The following PCDHA3 variants were observed in gnomAD, a reference collection of about 807,000 sequenced individuals.
The protein encoded by PCDHA3 is protocadherin alpha 3.
A neutral mutation model predicts 62.2 loss-of-function variants in PCDHA3; 41 were observed. The observed-to-expected ratio is 0.66, with a 90% CI of 0.51 to 0.86. The LOEUF is 0.86. PCDHA3 is among the 40% of genes least tolerant of loss of function. PCDHA3 has a pLI of 0.00. For synonymous variants in PCDHA3, 640 were observed against 555.4 expected (o/e 1.15, Z -2.14); for missense variants, 1,304 against 1,241.2 (o/e 1.05, Z -0.76).
chr5:140,881,510 A>G (rs2058738971), intron 1 of PCDHA3: 1 of 210,204 alleles, frequency 4.8e-6, no homozygotes, highest in Non-Finnish European at 8.3e-6. Context: ...ACACTCACAT[A>G]CAAAATCCCA....
intron 1 of PCDHA3, among the ~76,000 whole-genome samples, chr5:140,941,615 C>T (rs2093129027): frequency 6.6e-6 from 1 of 151,970 alleles, no homozygotes; most frequent in African/African-American, 2.4e-5. Context: ...GTGCCCAGCC[C>T]ATCCTGCTTC....
At chr5:141,000,347 C>T (rs1587871994) in intron 3 of PCDHA3, among the ~76,000 whole-genome samples, 1 of 114,796 alleles carries the variant, frequency 8.7e-6, no homozygotes, top group Non-Finnish European at 1.8e-5. Flanking sequence ...CTATCTCTCT[C>T]TCTGTCTCTC....
chr5:140,809,337 T>C (rs576165362), intron 1 of PCDHA3: 4 of 1,614,072 alleles, frequency 2.5e-6, no homozygotes, highest in Non-Finnish European at 3.4e-6. Flanking sequence ...ACGCTGCTGC[T>C]GTACACCGCG....
intron 1 of PCDHA3, among the ~76,000 whole-genome samples, chr5:140,974,864 C>T (rs949061887): frequency 6.6e-6 from 1 of 152,124 alleles, no homozygotes; most frequent in Non-Finnish European, 1.5e-5. Flanking sequence ...TGCCTTAATG[C>T]GGAACAGTCT....
rs2150251628 is a variant in PCDHA3, at chr5:140,836,057, G to C, written c.2394+32466G>C. On this transcript the variant is annotated intron_variant, in intron 1 of 3. Coordinates refer to ENST00000522353, the MANE Select transcript of PCDHA3 (RefSeq NM_018906.3). The stretch of plus-strand genomic sequence containing the variant: ...CGCTGCAGGTGTTCGTGCTGGACGA[G>C]AACGACAACGCGCCGGCACTGCTGG... The C allele has an allele frequency of 3.1e-6, 5 of 1,613,614 alleles. No homozygotes were observed. In the South Asian group the frequency reaches 4.4e-5, roughly 14 times the overall value.
chr5:140,842,257 A>C, intron 1 of PCDHA3: 1 of 1,611,472 alleles, frequency 6.2e-7, no homozygotes, highest in African/African-American at 1.3e-5. Flanking sequence ...ATTTTGAACA[A>C]GAAAACTTAT....
At chr5:140,944,792 G>C (rs1411963111) in intron 1 of PCDHA3, among the ~76,000 whole-genome samples, 3 of 152,138 alleles carry the variant, frequency 2.0e-5, no homozygotes, top group African/African-American at 7.2e-5. Context: ...TATTTTACAA[G>C]TCTGTCGAGG....
At chr5:140,983,588 C>T (rs530448589) in intron 3 of PCDHA3, among the ~76,000 whole-genome samples, 2 of 152,270 alleles carry the variant, frequency 1.3e-5, no homozygotes, top group East Asian at 3.9e-4. Flanking sequence ...TACATCTATT[C>T]TACATATGAG....
chr5:140,829,411 C>T, intron 1 of PCDHA3: 1 of 1,614,148 alleles, frequency 6.2e-7, no homozygotes. Flanking sequence ...CCACCGCCAG[C>T]TTGTCTGTGG....
intron 1 of PCDHA3, among the ~76,000 whole-genome samples, chr5:140,964,195 T>C (rs2095816434): frequency 6.6e-6 from 1 of 152,216 alleles, no homozygotes; most frequent in South Asian, 2.1e-4. Context: ...AAATAGAGTA[T>C]ACCATCTCTT....
intron 1 of PCDHA3, among the ~76,000 whole-genome samples, chr5:140,959,410 T>C (rs564453268): frequency 6.6e-5 from 10 of 152,300 alleles, no homozygotes; most frequent in Non-Finnish European, 1.3e-4. Flanking sequence ...AAGTGTTGAT[T>C]GATCTGAGAA....
chr5:140,838,075 A>AGTGTGTGTGTG (rs781914509), intron 1 of PCDHA3, among the ~76,000 whole-genome samples: 2 of 128,240 alleles, frequency 1.6e-5, no homozygotes, highest in East Asian at 2.3e-4. Context: ...TTATATATAT[A>AGTGTGTGTGTG]TAGTGTGTGT....
intron 1 of PCDHA3, chr5:140,969,021 C>T (rs2096289420): frequency 8.1e-6 from 13 of 1,614,146 alleles, no homozygotes; most frequent in Non-Finnish European, 1.1e-5. Context: ...AGGGAAAGGT[C>T]CCCTGCAGAA....
At chr5:140,810,733 A>T (rs1251780244) in intron 1 of PCDHA3, 5 of 151,620 alleles carry the variant, frequency 3.3e-5, no homozygotes, top group African/African-American at 1.2e-4. Flanking sequence ...TTTTCTTATT[A>T]CTTAAACAAA....
chr5:140,880,338 C>T (rs887426306), intron 1 of PCDHA3, among the ~76,000 whole-genome samples: 10 of 152,130 alleles, frequency 6.6e-5, no homozygotes, highest in African/African-American at 1.7e-4. Context: ...AAAAATAAGA[C>T]AGGCAGCAGG....
rs2098418669 is a variant in PCDHA3 at position 141,010,882 on chromosome 5, G to C, written c.*945G>C. On this transcript the variant is annotated 3_prime_UTR_variant, in exon 4 of 4. Transcript: ENST00000522353. ...GTCTATAGCTATAAATCTTTAAAGAGAAATATGAATACAATTCCCCTAAAC... is the reference window on the plus strand; with the variant it reads ...GTCTATAGCTATAAATCTTTAAAGACAAATATGAATACAATTCCCCTAAAC... The C allele has an allele frequency of 6.5e-6, 1 of 153,674 alleles. No homozygotes were observed. The allele number at this position is 153,674 out of a possible 1,614,324, so 9.5% of individuals were successfully genotyped here.
chr5:140,936,337 C>G (rs1226552278), intron 1 of PCDHA3, among the ~76,000 whole-genome samples: 17 of 152,160 alleles, frequency 1.1e-4, no homozygotes, highest in Non-Finnish European at 1.5e-5. Context: ...TTTTCTCTAT[C>G]TGCATATATG....
intron 1 of PCDHA3, among the ~76,000 whole-genome samples, chr5:140,973,232 G>A (rs1307717074): frequency 6.6e-6 from 1 of 152,196 alleles, no homozygotes; most frequent in Non-Finnish European, 1.5e-5. Context: ...ATAGTGACCT[G>A]AAAGAGTTAA....
At chr5:140,895,904 C>T (rs956599707) in intron 1 of PCDHA3, among the ~76,000 whole-genome samples, 10 of 152,136 alleles carry the variant, frequency 6.6e-5, no homozygotes, top group South Asian at 2.1e-4. Flanking sequence ...CTCCGCGTCC[C>T]GGGCTCAACA....
Sources: allele counts gnomAD v4.1 joint callset (sites outside exome capture counted in the v4.1 genomes callset), GRCh38; gene constraint gnomAD v4.1.1; transcripts MANE v1.5; gene names NCBI Gene and HGNC (gene_info 2026-07-23, HGNC 2026-07-21).